SPMIP2: variants seen among roughly 807,000 people sequenced by gnomAD.
SPMIP2 encodes protein SPMIP2.
chr4:159,003,562 A>G, the SPMIP2 span, among the ~76,000 whole-genome samples: 1 of 152,168 alleles, frequency 6.6e-6, no homozygotes, highest in South Asian at 2.1e-4. Flanking sequence ...ATGCTATTGT[A>G]GGCTGTACAG....
chr4:158,974,579 T>A, the SPMIP2 span, among the ~76,000 whole-genome samples: 1 of 152,152 alleles, frequency 6.6e-6, no homozygotes, highest in African/African-American at 2.4e-5. Flanking sequence ...GTTCCTGAGT[T>A]ACTTTGCTGA....
chr4:158,989,671 T>A, the SPMIP2 span, among the ~76,000 whole-genome samples: 1 of 152,200 alleles, frequency 6.6e-6, no homozygotes, highest in African/African-American at 2.4e-5. Flanking sequence ...GAAAACTGGC[T>A]AGCCATATGC....
At chr4:158,942,478 GGT>G in the SPMIP2 span, among the ~76,000 whole-genome samples, 1 of 152,076 alleles carries the variant, frequency 6.6e-6, no homozygotes, top group Non-Finnish European at 1.5e-5. Context: ...AGCACAAATA[GGT>G]AATCCTGGCT....
chr4:158,989,040 A>G, the SPMIP2 span, among the ~76,000 whole-genome samples: 2 of 152,228 alleles, frequency 1.3e-5, no homozygotes, highest in South Asian at 4.1e-4. Context: ...GCAAAGTCTC[A>G]GGATACAAAA....
chr4:158,931,071 G>A, the SPMIP2 span, among the ~76,000 whole-genome samples: 10 of 151,942 alleles, frequency 6.6e-5, no homozygotes, highest in African/African-American at 2.4e-4. Flanking sequence ...ACTTGATGGT[G>A]TCCCACAGTC....
chr4:158,912,148 A>AT, the SPMIP2 span, among the ~76,000 whole-genome samples: 1 of 152,216 alleles, frequency 6.6e-6, no homozygotes, highest in Non-Finnish European at 1.5e-5. Context: ...ACATTTTGTG[A>AT]TTTAAAAAGA....
the SPMIP2 span, chr4:158,906,354 T>G: frequency 2.6e-5 from 4 of 152,236 alleles, no homozygotes; most frequent in African/African-American, 9.6e-5. Flanking sequence ...TCCTTTTTTC[T>G]TGTTTACATG....
chr4:158,912,628 G>C, the SPMIP2 span, among the ~76,000 whole-genome samples: 1 of 152,154 alleles, frequency 6.6e-6, no homozygotes, highest in Non-Finnish European at 1.5e-5. Context: ...TTCATTATTT[G>C]CTTTCAAATA....
At chr4:158,912,595 T>A in the SPMIP2 span, among the ~76,000 whole-genome samples, 4 of 152,328 alleles carry the variant, frequency 2.6e-5, no homozygotes, top group South Asian at 8.3e-4. Flanking sequence ...AGGCACTGCG[T>A]TGGAGGCTTT....
At chr4:158,952,832 T>C in the SPMIP2 span, among the ~76,000 whole-genome samples, 1 of 152,226 alleles carries the variant, frequency 6.6e-6, no homozygotes, top group Admixed American at 6.5e-5. Context: ...TGTTAGGTTT[T>C]AGCAAAGAGA....
the SPMIP2 span, among the ~76,000 whole-genome samples, chr4:159,015,236 T>C: frequency 6.6e-6 from 1 of 152,174 alleles, no homozygotes; most frequent in Admixed American, 6.5e-5. Context: ...ACACAGTAAA[T>C]ATTTGTGAAT....
the SPMIP2 span, among the ~76,000 whole-genome samples, chr4:158,966,350 G>A: frequency 6.6e-6 from 1 of 152,176 alleles, no homozygotes; most frequent in Non-Finnish European, 1.5e-5. Flanking sequence ...AATTTACAAT[G>A]ATTTAAGAAT....
the SPMIP2 span, among the ~76,000 whole-genome samples, chr4:158,992,504 C>G: frequency 6.6e-6 from 1 of 152,160 alleles, no homozygotes. Flanking sequence ...TCATTAGTTC[C>G]TAAGTTGTTC....
the SPMIP2 span, among the ~76,000 whole-genome samples, chr4:158,897,089 G>A: frequency 6.6e-6 from 1 of 151,910 alleles, no homozygotes; most frequent in Middle Eastern, 3.2e-3. Context: ...GAGCACATGC[G>A]GTGTTTGGTT....
the SPMIP2 span, among the ~76,000 whole-genome samples, chr4:158,943,959 G>C: frequency 6.9e-6 from 1 of 144,542 alleles, no homozygotes; most frequent in Non-Finnish European, 1.5e-5. Flanking sequence ...GGGTTCAAGT[G>C]ATTGTTCTGC....
the SPMIP2 span, among the ~76,000 whole-genome samples, chr4:158,979,953 T>C: frequency 6.6e-6 from 1 of 152,220 alleles, no homozygotes; most frequent in South Asian, 2.1e-4. Context: ...ATCCACTGGT[T>C]TGAAATTCTT....
the SPMIP2 span, among the ~76,000 whole-genome samples, chr4:158,953,689 G>A: frequency 1.3e-5 from 2 of 152,216 alleles, no homozygotes; most frequent in African/African-American, 4.8e-5. Context: ...AAGCAGCTGG[G>A]AGGGAGACTG....
chr4:158,959,401 T>C, the SPMIP2 span, among the ~76,000 whole-genome samples: 3 of 151,872 alleles, frequency 2.0e-5, no homozygotes, highest in East Asian at 5.8e-4. Context: ...GCTTTAAATA[T>C]GGTACGTGTT....
At chr4:159,023,493 C>A in the SPMIP2 span, among the ~76,000 whole-genome samples, 1 of 152,132 alleles carries the variant, frequency 6.6e-6, no homozygotes, top group Non-Finnish European at 1.5e-5. Context: ...TCTAGAGGAC[C>A]CTGTAGTTAC....
Sources: allele counts gnomAD v4.1 joint callset (sites outside exome capture counted in the v4.1 genomes callset), GRCh38; gene constraint gnomAD v4.1.1; transcripts MANE v1.5; gene names NCBI Gene and HGNC (gene_info 2026-07-23, HGNC 2026-07-21).